The following RANBP10 variants were observed in gnomAD, a reference collection of about 807,000 sequenced individuals.
RANBP10 encodes ran-binding protein 10.
A neutral mutation model predicts 72.8 loss-of-function variants in RANBP10; 24 were observed. The ratio of observed to expected loss-of-function variants is 0.33; its 90% CI spans 0.24 to 0.46. The LOEUF is 0.46. Ranked by LOEUF, RANBP10 falls within the 20% of genes least tolerant of loss-of-function variation. RANBP10 has a pLI of 1.00. For missense variants in RANBP10, 679 were observed against 817.5 expected (o/e 0.83, Z 2.07); for synonymous variants, 310 against 322.3 (o/e 0.96, Z 0.41).
chr16:67,730,032 C>T lies in RANBP10; in HGVS notation c.904G>A (p.Val302Met), dbSNP rs1487305917. The part of the protein sequence containing the change: ...IKNRQKIQKL[V>M]LEGRVGEAIE... ...GCCTCGCCCACACGGCCCTCCAGCA[C>T]CAGCTTCTGGATCTCTGCAGGGTGC... Residue 302 changes from valine to methionine, a missense_variant, in exon 8 of 14, where the codon GTG becomes ATG. Coordinates refer to ENST00000317506, the MANE Select transcript of RANBP10 (RefSeq NM_020850.3). This position sits in a 1 kb window ranked among gnomAD's most constrained non-coding sequence, Gnocchi z 4.3. The T allele has an allele frequency of 6.2e-7, 1 of 1,612,578 alleles. No individual in the cohort carries two copies. Among genetic ancestry groups the T allele is most frequent in the Non-Finnish European group, 8.5e-7 (1 of 1,180,004 alleles).
chr16:67,761,948 T>C (rs1261643618), intron 3 of RANBP10, among the ~76,000 whole-genome samples: 1 of 152,152 alleles, frequency 6.6e-6, no homozygotes, highest in Non-Finnish European at 1.5e-5. Flanking sequence ...CACACACCTT[T>C]TCCCAATAAT....
At chr16:67,792,103 T>C (rs994721175) in intron 2 of RANBP10, among the ~76,000 whole-genome samples, 17 of 150,770 alleles carry the variant, frequency 1.1e-4, no homozygotes, top group Non-Finnish European at 2.2e-4. Flanking sequence ...ATCATGACAC[T>C]GGCTGCTACG....
chr16:67,747,395 T>C lies in RANBP10; in HGVS notation c.401-2940A>G, dbSNP rs112771753. ...ATTGGGTCGTTTATTGTATTGCACTTGTTTATCGTATTGCACTGTAAAGGT... is the reference window on the plus strand; with the variant it reads ...ATTGGGTCGTTTATTGTATTGCACTCGTTTATCGTATTGCACTGTAAAGGT... On this transcript the variant is annotated intron_variant, in intron 3 of 13. Coordinates refer to ENST00000317506, the MANE Select transcript of RANBP10 (RefSeq NM_020850.3). Among the ~76,000 whole-genome samples, 795 of 152,354 alleles carry C rather than the reference T, an allele frequency of 5.2e-3. 3 individuals carry two copies. Among genetic ancestry groups the C allele is most frequent in the Non-Finnish European group, 7.7e-3 (526 of 68,026 alleles).
At chr16:67,740,189 G>A (rs1175354006) in intron 4 of RANBP10, among the ~76,000 whole-genome samples, 1 of 149,122 alleles carries the variant, frequency 6.7e-6, no homozygotes, top group Non-Finnish European at 1.5e-5. Context: ...TGCAAGCTCC[G>A]CCTCCCGGGT....
intron 3 of RANBP10, among the ~76,000 whole-genome samples, chr16:67,763,729 C>CT (rs2054443603): frequency 6.6e-6 from 1 of 152,212 alleles, no homozygotes; most frequent in East Asian, 1.9e-4. Context: ...GAGTCTCACT[C>CT]TGTTGCCCAG....
At chr16:67,727,489 C>G (rs768921573) in intron 12 of RANBP10, 51 bp from the exon 13 acceptor site, 1 of 1,533,114 alleles carries the variant, frequency 6.5e-7, no homozygotes, top group Non-Finnish European at 8.9e-7. Flanking sequence ...CATAGCTCAC[C>G]CTGCTACCCG....
chr16:67,802,036 G>A (rs529794064), intron 2 of RANBP10, among the ~76,000 whole-genome samples: 42 of 151,706 alleles, frequency 2.8e-4, no homozygotes, highest in African/African-American at 9.9e-4. Context: ...TTGAGGTGGC[G>A]GTGAGCTGTG....
intron 3 of RANBP10, among the ~76,000 whole-genome samples, chr16:67,746,438 G>A (rs928933542): frequency 2.6e-5 from 4 of 152,058 alleles, no homozygotes; most frequent in Admixed American, 1.3e-4. Flanking sequence ...CCGAGATCGC[G>A]CCACTGAACT....
intron 3 of RANBP10, among the ~76,000 whole-genome samples, chr16:67,763,855 C>T (rs776341644): frequency 1.3e-5 from 2 of 152,140 alleles, no homozygotes; most frequent in East Asian, 3.9e-4. Context: ...CCACCACGCC[C>T]GGCTAATTTT....
chr16:67,785,249 A>T (rs144927857), intron 2 of RANBP10, among the ~76,000 whole-genome samples: 1 of 151,206 alleles, frequency 6.6e-6, no homozygotes, highest in African/African-American at 2.4e-5. Flanking sequence ...AGAAAGAAAG[A>T]AGGGAGGGAG....
rs114586741 is a variant in RANBP10, at chr16:67,805,193, G to A, written c.347+235C>T. 1.1e-3 allele frequency among the ~76,000 whole-genome samples: 169 copies of A among 152,256 alleles called. 1 individual carries two copies. Among genetic ancestry groups the A allele is most frequent in the African/African-American group, 4.1e-3 (169 of 41,544 alleles). Reference sequence around the variant, plus strand: ...TGTTACTTGTTTGCCTAACCTTCTAGGTATCAAATTACATCATCACTAAAA... The same window carrying A: ...TGTTACTTGTTTGCCTAACCTTCTAAGTATCAAATTACATCATCACTAAAA... On this transcript the variant is annotated intron_variant, in intron 2 of 13. Transcript: ENST00000317506.
At chr16:67,742,760 G>C (rs1265757190) in intron 4 of RANBP10, among the ~76,000 whole-genome samples, 4 of 152,250 alleles carry the variant, frequency 2.6e-5, no homozygotes, top group Admixed American at 2.6e-4. Flanking sequence ...GGCAGGTGAA[G>C]TGGGGCTTGG....
chr16:67,765,531 A>G (rs953775048), intron 3 of RANBP10, among the ~76,000 whole-genome samples: 1 of 152,090 alleles, frequency 6.6e-6, no homozygotes, highest in East Asian at 1.9e-4. Context: ...CCATCTCAAA[A>G]AAATAAATAA....
chr16:67,799,285 C>CTTTTT lies in RANBP10; in HGVS notation c.347+6138_347+6142dup, dbSNP rs869030467. On this transcript the variant is annotated intron_variant, in intron 2 of 13. Coordinates refer to ENST00000317506, the MANE Select transcript of RANBP10 (RefSeq NM_020850.3). ...ACCTCATGTTCTGCGCTCCACATCT[C>CTTTTT]TTTTTTTTTTTTTTTTTTTTGAGAC... 9.9e-4 allele frequency among the ~76,000 whole-genome samples: 113 copies of CTTTTT among 113,956 alleles called. 5 individuals are homozygous for CTTTTT. In the South Asian group the frequency reaches 0.028, roughly 28 times the overall value. The allele number at this position is 113,956 out of a possible 152,430, so 74.8% of individuals were successfully genotyped here.
At chr16:67,731,700 TG>T in intron 6 of RANBP10, 116 bp from the exon 7 acceptor site, 6 of 677,722 alleles carry the variant, frequency 8.9e-6, no homozygotes, top group Non-Finnish European at 1.5e-5. Context: ...GTCCTGGAGG[TG>T]TAACCTCCAC....
intron 2 of RANBP10, among the ~76,000 whole-genome samples, chr16:67,792,781 CAAAA>C (rs755192834): frequency 1.0e-5 from 1 of 99,650 alleles, no homozygotes. Context: ...GACTCCGTCT[CAAAA>C]AAAAAAAAAA....
intron 4 of RANBP10, among the ~76,000 whole-genome samples, chr16:67,739,499 G>A (rs771445068): frequency 6.6e-6 from 1 of 152,154 alleles, no homozygotes; most frequent in East Asian, 1.9e-4. Context: ...CAGTCCATAC[G>A]CAGTCAGAGT....
chr16:67,782,212 T>C (rs2054826350), intron 2 of RANBP10, among the ~76,000 whole-genome samples: 1 of 152,192 alleles, frequency 6.6e-6, no homozygotes. Flanking sequence ...GAGACCTTGC[T>C]CACTGCAACC....
intron 3 of RANBP10, among the ~76,000 whole-genome samples, chr16:67,751,840 T>C (rs1253311482): frequency 6.6e-6 from 1 of 151,896 alleles, no homozygotes; most frequent in African/African-American, 2.4e-5. Flanking sequence ...CGCTTGAACC[T>C]GGGAGGTGGA....
Sources: gnomAD v4.1 joint callset for allele counts (sites outside exome capture counted in the v4.1 genomes callset) on GRCh38, gnomAD v4.1.1 for gene constraint, Gnocchi (gnomAD v3.1) non-coding constraint, MANE v1.5 for transcripts, NCBI Gene and HGNC (gene_info 2026-07-23, HGNC 2026-07-21) for gene names.